Variants in RBFOX1 observed in about 807,000 individuals in gnomAD.
RBFOX1 encodes the protein RNA binding protein fox-1 homolog 1.
RBFOX1 carries 8 observed loss-of-function variants against 57.7 expected under a neutral mutation model. The ratio of observed to expected loss-of-function variants is 0.14; its 90% CI spans 0.08 to 0.25. The LOEUF (loss-of-function observed/expected upper bound fraction) is 0.25, where lower values mean the gene tolerates loss of function less well. Ranked by LOEUF, RBFOX1 falls within the 10% of genes least tolerant of loss-of-function variation. The pLI, the probability that RBFOX1 is intolerant of heterozygous loss-of-function variation, is 1.00. For missense variants in RBFOX1, 611 were observed against 548.5 expected (o/e 1.11, Z -1.14); for synonymous variants, 326 against 222.4 (o/e 1.47, Z -4.15).
At chr16:6,475,973 G>T (rs1205790416) in intron 2 of RBFOX1, among the ~76,000 whole-genome samples, 2 of 152,082 alleles carry the variant, frequency 1.3e-5, no homozygotes, top group Non-Finnish European at 2.9e-5. Context: ...ATTAGATGCT[G>T]GAGTTTTCCA....
intron 3 of RBFOX1, among the ~76,000 whole-genome samples, chr16:6,669,507 T>C (rs2098751503): frequency 6.6e-6 from 1 of 152,204 alleles, no homozygotes; most frequent in Non-Finnish European, 1.5e-5. Flanking sequence ...GCAGTATGAT[T>C]GACAAGTAAA....
At chr16:5,986,681 C>T (rs1346125431) in intron 4 of RBFOX1, among the ~76,000 whole-genome samples, 10 of 152,140 alleles carry the variant, frequency 6.6e-5, no homozygotes, top group East Asian at 5.8e-4. Flanking sequence ...GCATAATTCC[C>T]TGAAGATTCC....
Position 6,809,449 on chromosome 16 carries a change from A to T in RBFOX1, c.-16+154799A>T, listed in dbSNP as rs149126661. Among the ~76,000 whole-genome samples, 4 of 152,302 alleles carry T rather than the reference A, an allele frequency of 2.6e-5. No individual in the cohort carries two copies. In the East Asian group the frequency reaches 7.7e-4, roughly 29 times the overall value. On this transcript the variant is annotated intron_variant, in intron 3 of 15. Transcript: ENST00000550418. Reference sequence around the variant, plus strand: ...GATATACACATAGATGTATTGATTTATGGGGTACCTGAGATACAAAAATAT... The same window carrying T: ...GATATACACATAGATGTATTGATTTTTGGGGTACCTGAGATACAAAAATAT...
chr16:5,949,811 A>G lies in RBFOX1; in HGVS notation c.351+82476A>G, dbSNP rs950068159. On this transcript the variant is annotated intron_variant, in intron 4 of 19. Transcript: ENST00000641259. ...CCTCATCCCAAGCCTATTGAATCAG[A>G]AACTCTGGAAGTGGGGCCCAGAAAT... 2.0e-5 allele frequency among the ~76,000 whole-genome samples: 3 copies of G among 152,178 alleles called. No homozygotes were observed. In the East Asian group the frequency reaches 5.8e-4, roughly 29 times the overall value.
At chr16:7,403,130 A>C (rs2098272450) in intron 4 of RBFOX1, among the ~76,000 whole-genome samples, 1 of 152,312 alleles carries the variant, frequency 6.6e-6, no homozygotes, top group East Asian at 1.9e-4. Context: ...AATTATGTAC[A>C]TTTAAGGTAT....
intron 4 of RBFOX1, among the ~76,000 whole-genome samples, chr16:5,964,375 C>T (rs1489956354): frequency 6.6e-6 from 1 of 152,086 alleles, no homozygotes; most frequent in African/African-American, 2.4e-5. Flanking sequence ...TACCATATGA[C>T]CCAACAATCC....
intron 3 of RBFOX1, among the ~76,000 whole-genome samples, chr16:5,730,587 T>C (rs1471952607): frequency 6.6e-6 from 1 of 152,112 alleles, no homozygotes; most frequent in Non-Finnish European, 1.5e-5. Context: ...ATTACCATCA[T>C]CATCACCAAC....
chr16:6,827,352 G>A (rs1603629591), intron 3 of RBFOX1, among the ~76,000 whole-genome samples: 1 of 152,108 alleles, frequency 6.6e-6, no homozygotes, highest in East Asian at 1.9e-4. Flanking sequence ...AAGAAGAAAT[G>A]GGAAGATGTG....
intron 1 of RBFOX1, among the ~76,000 whole-genome samples, chr16:5,386,522 C>A (rs528730700): frequency 6.6e-6 from 1 of 152,138 alleles, no homozygotes; most frequent in East Asian, 1.9e-4. Context: ...ACCTCTCCTG[C>A]CCTCCCTACT....
intron 2 of RBFOX1, among the ~76,000 whole-genome samples, chr16:6,325,234 C>T: frequency 6.6e-6 from 1 of 152,146 alleles, no homozygotes; most frequent in Non-Finnish European, 1.5e-5. Context: ...TGGTGTGCAC[C>T]TATGGTCCTA....
At chr16:7,577,087 A>G (rs1360864773) in intron 5 of RBFOX1, among the ~76,000 whole-genome samples, 1 of 152,224 alleles carries the variant, frequency 6.6e-6, no homozygotes, top group Non-Finnish European at 1.5e-5. Context: ...TTCGACTATC[A>G]CATGAAGGCG....
intron 1 of RBFOX1, among the ~76,000 whole-genome samples, chr16:6,283,333 A>G (rs529638169): frequency 2.0e-5 from 3 of 152,300 alleles, no homozygotes; most frequent in South Asian, 2.1e-4. Context: ...TCAAAAAACA[A>G]AAACAAACAA....
intron 4 of RBFOX1, among the ~76,000 whole-genome samples, chr16:7,247,634 G>A (rs370897013): frequency 3.3e-4 from 51 of 152,314 alleles, no homozygotes; most frequent in East Asian, 3.3e-3. Context: ...CAGGAATGCC[G>A]TGATTTTAAG....
intron 1 of RBFOX1, among the ~76,000 whole-genome samples, chr16:6,256,774 C>T (rs12925131): frequency 0.84 from 127,055 of 151,750 alleles, 54,578 homozygotes; most frequent in East Asian, 0.95. Flanking sequence ...TGTCCCCAGA[C>T]ATTGACTAAT....
intron 2 of RBFOX1, among the ~76,000 whole-genome samples, chr16:6,536,077 G>C (rs2096731113): frequency 6.6e-6 from 1 of 152,146 alleles, no homozygotes; most frequent in Admixed American, 6.5e-5. Flanking sequence ...CATAGCAGAG[G>C]TGATACAGGA....
At position 5,653,514 on chromosome 16, in the gene RBFOX1, G is replaced by A. The variant is rs75996675; in HGVS notation, c.318+54553G>A. ...TGCGTCTTTGAGGAAGTTGGGGTGC[G>A]GAGCCGTGTGCTGCGCCTTTGTGCA... is the stretch of plus-strand genomic sequence containing the variant. On this transcript the variant is annotated intron_variant, in intron 3 of 19. Transcript: ENST00000641259. 3.4e-5 allele frequency among the ~76,000 whole-genome samples: 5 copies of A among 149,054 alleles called. No individual in the cohort carries two copies. In the South Asian group the frequency reaches 8.6e-4, roughly 26 times the overall value.
intron 3 of RBFOX1, among the ~76,000 whole-genome samples, chr16:6,861,279 G>C (rs554622377): frequency 2.6e-5 from 4 of 152,040 alleles, no homozygotes; most frequent in African/African-American, 4.8e-5. Context: ...CTTTGCAAAA[G>C]GGTTTTATAC....
At chr16:5,554,759 A>G (rs1170592302) in intron 2 of RBFOX1, among the ~76,000 whole-genome samples, 1 of 152,224 alleles carries the variant, frequency 6.6e-6, no homozygotes, top group Non-Finnish European at 1.5e-5. Flanking sequence ...AAGAGAAGCA[A>G]GGAATGAATG....
chr16:7,086,846 G>T (rs1320477326), intron 4 of RBFOX1, among the ~76,000 whole-genome samples: 1 of 152,168 alleles, frequency 6.6e-6, no homozygotes, highest in Admixed American at 6.5e-5. Flanking sequence ...TCCATTTGCT[G>T]GGCTTAGTTG....
Sources: gnomAD v4.1 joint callset for allele counts (sites outside exome capture counted in the v4.1 genomes callset) on GRCh38, gnomAD v4.1.1 for gene constraint, MANE v1.5 for transcripts, NCBI Gene and HGNC (gene_info 2026-07-23, HGNC 2026-07-21) for gene names.